ADARB2: variants seen among roughly 807,000 people sequenced by gnomAD.
ADARB2 encodes the protein inactive double-stranded RNA-specific editase B2.
ADARB2 carries 25 observed loss-of-function variants against 62.2 expected under a neutral mutation model. The ratio of observed to expected loss-of-function variants is 0.40; its 90% CI spans 0.29 to 0.56. The LOEUF (loss-of-function observed/expected upper bound fraction) is 0.56. Ranked by LOEUF, ADARB2 falls within the 20% of genes least tolerant of loss-of-function variation. The probability of loss-of-function intolerance (pLI) is 0.43; values close to 1 mark genes in which losing one functional copy is unlikely to be tolerated. For synonymous variants in ADARB2, 572 were observed against 500.8 expected, an observed-to-expected ratio of 1.14 and a Z score of -1.90; for missense variants, 1,071 against 1,077.4, an observed-to-expected ratio of 0.99 and a Z score of 0.08.
At chr10:1,605,285 G>C (rs1392510295) in intron 1 of ADARB2, among the ~76,000 whole-genome samples, 3 of 152,222 alleles carry the variant, frequency 2.0e-5, no homozygotes, top group Non-Finnish European at 4.4e-5. Flanking sequence ...GAACCCCTGA[G>C]GGTTTGCTGG....
At chr10:1,534,347 A>G (rs1337477136) in intron 1 of ADARB2, among the ~76,000 whole-genome samples, 1 of 152,108 alleles carries the variant, frequency 6.6e-6, no homozygotes, top group African/African-American at 2.4e-5. Context: ...CGTGTTGGCC[A>G]GGCTTGTCTT....
chr10:1,617,730 C>A (rs1430051821), intron 1 of ADARB2, among the ~76,000 whole-genome samples: 10 of 151,318 alleles, frequency 6.6e-5, no homozygotes, highest in Non-Finnish European at 8.8e-5. Context: ...CAGAGGGTTG[C>A]ATTCTGTCGC....
rs148841385 is a variant in ADARB2, at chr10:1,278,644, G to A, written c.1078-7575C>T. Among the ~76,000 whole-genome samples the A allele has an allele frequency of 2.2e-4, 33 of 149,222 alleles. No homozygotes were observed. In the East Asian group the frequency reaches 6.3e-3, roughly 28 times the overall value. ...CATAGCCTGTTTCTCAATCCATTAT[G>A]TCCTGCCCTGCCTCAGTCTCTAAAA... On this transcript the variant is annotated intron_variant, in intron 3 of 9. Coordinates refer to ENST00000381312, the MANE Select transcript of ADARB2 (RefSeq NM_018702.4).
At chr10:1,549,645 G>A (rs1832585342) in intron 1 of ADARB2, among the ~76,000 whole-genome samples, 3 of 152,112 alleles carry the variant, frequency 2.0e-5, no homozygotes, top group Non-Finnish European at 4.4e-5. Flanking sequence ...AGCTGCGTAA[G>A]AGAGAACGCA....
intron 1 of ADARB2, among the ~76,000 whole-genome samples, chr10:1,391,837 T>G (rs1000959758): frequency 3.4e-5 from 5 of 145,156 alleles, no homozygotes; most frequent in African/African-American, 1.3e-4. Context: ...TGCAGTGGTG[T>G]GATCTTGGTT....
chr10:1,726,581 G>A (rs148161697), intron 1 of ADARB2, among the ~76,000 whole-genome samples: 2 of 152,300 alleles, frequency 1.3e-5, no homozygotes, highest in East Asian at 1.9e-4. Flanking sequence ...AAGAGATGCC[G>A]TCCTTGGTCA....
At chr10:1,291,389 G>A (rs935192325) in intron 3 of ADARB2, 17 of 152,254 alleles carry the variant, frequency 1.1e-4, no homozygotes, top group African/African-American at 3.9e-4. Flanking sequence ...AGGCAGCCTG[G>A]GTGCCGCTGC....
At chr10:1,668,634 C>T (rs185621255) in intron 1 of ADARB2, among the ~76,000 whole-genome samples, 43 of 152,312 alleles carry the variant, frequency 2.8e-4, no homozygotes, top group Admixed American at 2.4e-3. Flanking sequence ...GGGCTGAACA[C>T]TGAAGGGACC....
intron 1 of ADARB2, among the ~76,000 whole-genome samples, chr10:1,568,055 T>C (rs1832879924): frequency 6.6e-6 from 1 of 152,178 alleles, no homozygotes. Flanking sequence ...CTTAAACAGG[T>C]TCACAGGAAA....
intron 1 of ADARB2, among the ~76,000 whole-genome samples, chr10:1,730,292 G>T (rs987506761): frequency 6.6e-6 from 1 of 152,264 alleles, no homozygotes; most frequent in East Asian, 1.9e-4. Flanking sequence ...GGAGTGAGAC[G>T]GTACTTAACA....
At chr10:1,468,370 T>C (rs1377346096) in intron 1 of ADARB2, among the ~76,000 whole-genome samples, 1 of 152,136 alleles carries the variant, frequency 6.6e-6, no homozygotes, top group Non-Finnish European at 1.5e-5. Flanking sequence ...GAGAATGGCC[T>C]TCTCTCTTTG....
intron 3 of ADARB2, among the ~76,000 whole-genome samples, chr10:1,314,492 C>T (rs922990520): frequency 5.3e-5 from 8 of 151,982 alleles, no homozygotes; most frequent in Non-Finnish European, 1.0e-4. Context: ...CTTCCCACAT[C>T]GGCCCTTCCA....
intron 4 of ADARB2, among the ~76,000 whole-genome samples, chr10:1,244,117 A>G (rs1262932603): frequency 6.6e-6 from 1 of 152,210 alleles, no homozygotes; most frequent in Non-Finnish European, 1.5e-5. Context: ...TGACGAGCAG[A>G]TGGGACCAGG....
At chr10:1,580,068 T>C (rs1588310503) in intron 1 of ADARB2, among the ~76,000 whole-genome samples, 2 of 152,348 alleles carry the variant, frequency 1.3e-5, no homozygotes, top group East Asian at 3.9e-4. Flanking sequence ...TGCTGAACAG[T>C]GCCCCCGAAT....
At chr10:1,475,118 G>T (rs115095749) in intron 1 of ADARB2, among the ~76,000 whole-genome samples, 3,261 of 152,248 alleles carry the variant, frequency 0.021, 115 homozygotes, top group African/African-American at 0.074. Flanking sequence ...ACGCGGCGTC[G>T]TCAAGCTCAG....
intron 3 of ADARB2, among the ~76,000 whole-genome samples, chr10:1,330,411 A>G (rs1237897022): frequency 1.3e-5 from 2 of 152,266 alleles, no homozygotes; most frequent in African/African-American, 2.4e-5. Context: ...TTTGTAAAAC[A>G]TATACAAAAA....
intron 7 of ADARB2, among the ~76,000 whole-genome samples, chr10:1,211,301 C>A (rs1388276220): frequency 2.0e-5 from 3 of 146,740 alleles, no homozygotes; most frequent in Non-Finnish European, 4.6e-5. Flanking sequence ...ATCTATGTAT[C>A]ATCTGTCATC....
chr10:1,601,194 G>A (rs944087099), intron 1 of ADARB2, among the ~76,000 whole-genome samples: 4 of 152,192 alleles, frequency 2.6e-5, no homozygotes, highest in African/African-American at 7.2e-5. Flanking sequence ...GAGACACCAC[G>A]TGTGGCTCAG....
Position 1,241,902 on chromosome 10 carries a change from C to G in ADARB2, c.1361+229G>C, listed in dbSNP as rs754811940. Among the ~76,000 whole-genome samples the G allele has an allele frequency of 2.6e-5, 4 of 152,180 alleles. No homozygotes were observed. In the South Asian group the frequency reaches 8.3e-4, roughly 32 times the overall value. ...TGCAAAGGTGTTTTCTGGAGGGAAA[C>G]GTGGAGTAAGGAGGAAGCCTGGAAT... On this transcript the variant is annotated intron_variant, in intron 5 of 9. Transcript: ENST00000381312.
Sources: allele counts gnomAD v4.1 joint callset (sites outside exome capture counted in the v4.1 genomes callset), GRCh38; gene constraint gnomAD v4.1.1; transcripts MANE v1.5; gene names NCBI Gene and HGNC (gene_info 2026-07-23, HGNC 2026-07-21).